Variants in KAT6A observed in about 807,000 individuals in gnomAD.
KAT6A encodes the protein histone acetyltransferase KAT6A.
KAT6A carries 9 observed loss-of-function variants against 198.4 expected under a neutral mutation model. That is an observed-to-expected ratio of 0.05 (90% CI 0.03 to 0.08). The LOEUF (loss-of-function observed/expected upper bound fraction) is 0.08, where lower values mean the gene tolerates loss of function less well. Among genes scored for constraint, KAT6A ranks in the 10% least tolerant of loss-of-function variants. The pLI is 1.00. For missense variants in KAT6A, 2,077 were observed against 2,509.9 expected (o/e 0.83, Z 3.69); for synonymous variants, 890 against 883.0 (o/e 1.01, Z -0.14).
rs142661436 is a variant in KAT6A, at chr8:41,994,504, C to T, written c.601-6941G>A. Among the ~76,000 whole-genome samples the T allele has an allele frequency of 4.2e-4, 64 of 151,896 alleles. No individual in the cohort carries two copies. In the East Asian group the frequency reaches 9.9e-3, roughly 23 times the overall value. On this transcript the variant is annotated intron_variant, in intron 2 of 16. Coordinates refer to ENST00000265713, the MANE Select transcript of KAT6A (RefSeq NM_006766.5). ...GCTTTCCTTCTATATCTAGAATGTT[C>T]GTCCCAAGATCTTTCAGATCTCTAC...
At chr8:41,976,540 C>G (rs758583742) in intron 7 of KAT6A, among the ~76,000 whole-genome samples, 2 of 152,118 alleles carry the variant, frequency 1.3e-5, no homozygotes, top group East Asian at 3.8e-4. Flanking sequence ...TTGTCAAGAT[C>G]TGAAGTAGAA....
chr8:41,977,391 T>A (rs1184711312), intron 6 of KAT6A, 64 bp from the exon 7 acceptor site: 1 of 1,089,566 alleles, frequency 9.2e-7, no homozygotes, highest in East Asian at 2.4e-5. Context: ...TCCTTTTTAA[T>A]ACATAACATA....
chr8:41,971,086 G>C (rs994306671), intron 8 of KAT6A, among the ~76,000 whole-genome samples: 1 of 152,022 alleles, frequency 6.6e-6, no homozygotes. Context: ...GGTGGGAGGA[G>C]GGGGGAGGGA....
chr8:41,944,711 T>C (rs1044303483), intron 12 of KAT6A, among the ~76,000 whole-genome samples: 3 of 152,250 alleles, frequency 2.0e-5, no homozygotes, highest in African/African-American at 2.4e-5. Context: ...CACGGACTGT[T>C]TGTATACCAT....
At chr8:42,008,720 T>C (rs1825865841) in intron 2 of KAT6A, among the ~76,000 whole-genome samples, 1 of 152,058 alleles carries the variant, frequency 6.6e-6, no homozygotes, top group Non-Finnish European at 1.5e-5. Flanking sequence ...GATGAAATGT[T>C]CTATATCTCT....
rs1821507960 is a variant in KAT6A, at chr8:41,930,851, T to C, written c.*1354A>G. The C allele has an allele frequency of 4.8e-6, 1 of 206,544 alleles. No individual in the cohort carries two copies. The highest frequency in any genetic ancestry group is 1.9e-4 in the South Asian group (1 of 5,238). The allele number at this position is 206,544 out of a possible 1,614,324, so 12.8% of individuals were successfully genotyped here. ...GGGAGCAACACATGAACTTGCGTTATAACATTCTGCTGTCCAGATCTGCCC... is the reference window on the plus strand; with the variant it reads ...GGGAGCAACACATGAACTTGCGTTACAACATTCTGCTGTCCAGATCTGCCC... On this transcript the variant is annotated 3_prime_UTR_variant, in exon 17 of 17. Coordinates refer to ENST00000265713, the MANE Select transcript of KAT6A (RefSeq NM_006766.5).
chr8:41,985,946 G>A (rs966307557), intron 3 of KAT6A, among the ~76,000 whole-genome samples: 5 of 151,588 alleles, frequency 3.3e-5, no homozygotes, highest in South Asian at 2.1e-4. Flanking sequence ...TTGTTTGTTT[G>A]TTTGTTTTAA....
Position 41,929,610 on chromosome 8 carries a change from C to T in KAT6A, c.*2595G>A, listed in dbSNP as rs139955916. Reference sequence around the variant, plus strand: ...AGGGAGGCCGGCTGGCCCAGGAGCGCGTGACATGGAGAGATACAAAGGCAT... The same window carrying T: ...AGGGAGGCCGGCTGGCCCAGGAGCGTGTGACATGGAGAGATACAAAGGCAT... On this transcript the variant is annotated 3_prime_UTR_variant, in exon 17 of 17. Coordinates refer to ENST00000265713, the MANE Select transcript of KAT6A (RefSeq NM_006766.5). 1.4e-3 allele frequency: 269 copies of T among 193,170 alleles called. 2 individuals carry two copies. The highest frequency in any genetic ancestry group is 2.4e-3 in the Non-Finnish European group (222 of 92,446). 12.0% of individuals were successfully genotyped at this position (193,170 alleles called of 1,614,324 possible).
In KAT6A at chr8:41,942,952, C is replaced by T; in HGVS notation, c.2277G>A (p.Lys759=). Residue 759 remains lysine (K), a synonymous_variant, in exon 14 of 17, where the codon AAG becomes AAA. Coordinates refer to ENST00000265713, the MANE Select transcript of KAT6A (RefSeq NM_006766.5). ...REKLIQDHMA[K]LQLNLRPVDV... is the part of the protein sequence containing the mutation. ...CTACAGGTCGCAAATTCAGCTGAAG[C>T]TTTGCCATGTGATCCTGGATAAGTT... 10 of 1,614,190 alleles carry T rather than the reference C, an allele frequency of 6.2e-6. No homozygotes were observed. The highest frequency in any genetic ancestry group is 8.5e-6 in the Non-Finnish European group (10 of 1,180,046).
At chr8:42,010,758 C>T (rs989575226) in intron 2 of KAT6A, among the ~76,000 whole-genome samples, 12 of 152,328 alleles carry the variant, frequency 7.9e-5, no homozygotes, top group African/African-American at 2.9e-4. Flanking sequence ...TCACTCCCAG[C>T]CAGCATTATA....
chr8:42,001,634 G>A (rs1363477959), intron 2 of KAT6A, among the ~76,000 whole-genome samples: 1 of 152,214 alleles, frequency 6.6e-6, no homozygotes, highest in Non-Finnish European at 1.5e-5. Flanking sequence ...GCAGAGCAGA[G>A]GGAAGAGACA....
intron 1 of KAT6A, among the ~76,000 whole-genome samples, chr8:42,050,815 A>G (rs1802577962): frequency 6.6e-6 from 1 of 152,156 alleles, no homozygotes; most frequent in Non-Finnish European, 1.5e-5. Flanking sequence ...ACAGTCACTC[A>G]TTGTCTTTCC....
At chr8:41,989,195 T>C (rs567128633) in intron 2 of KAT6A, among the ~76,000 whole-genome samples, 1 of 152,010 alleles carries the variant, frequency 6.6e-6, no homozygotes, top group Non-Finnish European at 1.5e-5. Context: ...TGAGCTTAGT[T>C]TGGGGCTTAC....
At chr8:41,994,379 C>T (rs935492972) in intron 2 of KAT6A, among the ~76,000 whole-genome samples, 7 of 152,178 alleles carry the variant, frequency 4.6e-5, no homozygotes, top group Non-Finnish European at 8.8e-5. Context: ...CAGTTACCTG[C>T]CTGACCTCAT....
chr8:41,940,999 C>G lies in KAT6A; in HGVS notation c.2882G>C (p.Arg961Thr). 6.2e-7 allele frequency: 1 copy of G among 1,614,178 alleles called. No homozygotes were observed. ...CAGCCTCTCACTTCCTTCTGTTAAT[C>G]TGCACTTCAGAGCCTCAGGGCTTTT... ...LKKSPEALKC[R>T]LTEGSERLPR... is the part of the protein sequence containing the mutation. Residue 961 changes from arginine (R) to threonine (T), a missense_variant, in exon 15 of 17, where the codon AGA (arginine) becomes ACA (threonine). By Grantham distance (71) the Arg-to-Thr change is moderately conservative (BLOSUM62 -1). Coordinates refer to ENST00000265713, the MANE Select transcript of KAT6A (RefSeq NM_006766.5).
In KAT6A at chr8:41,981,821, G is replaced by C. The variant is rs750150009; in HGVS notation, c.825+18C>G. On this transcript the variant is annotated intron_variant, in intron 4 of 16. Transcript: ENST00000265713. ...ACTACTAAATGAAACACCCATATTA[G>C]AAGGCAGAGATACTCACCGCATTTT... The C allele has an allele frequency of 6.9e-7, 1 of 1,455,634 alleles. No homozygotes were observed. The highest frequency in any genetic ancestry group is 1.4e-5 in the African/African-American group (1 of 71,864). The allele number at this position is 1,455,634 out of a possible 1,614,324, so 90.2% of individuals were successfully genotyped here.
intron 2 of KAT6A, among the ~76,000 whole-genome samples, chr8:42,047,000 A>T (rs1802344982): frequency 6.6e-6 from 1 of 152,244 alleles, no homozygotes; most frequent in Admixed American, 6.5e-5. Context: ...TTGTTAAAGA[A>T]AAATCTACAG....
Position 41,933,304 on chromosome 8 carries a change from A to G in KAT6A, c.4916T>C (p.Val1639Ala). The change falls in exon 17 of 17, where the codon GTG (valine) becomes GCG (alanine). Residue 1639 changes from valine (V) to alanine (A), a missense_variant. Physicochemically the swap from Val to Ala is moderately conservative, Grantham distance 64 (BLOSUM62 0). Around this residue, in one of 13 missense-constraint regions of KAT6A, gnomAD observed 500 missense variants for 577.2 expected, o/e 0.87. Coordinates refer to ENST00000265713, the MANE Select transcript of KAT6A (RefSeq NM_006766.5). The surrounding 1 kb of genome is among the most constrained non-coding windows in gnomAD (Gnocchi z 6.2). ...NCSIKSPQSC[V>A]VERPPSNQQQ... ...CTGGTTACTGGGAGGCCTCTCCACC[A>G]CGCAGCTCTGAGGTGACTTGATGCT... 6.3e-7 allele frequency: 1 copy of G among 1,579,144 alleles called. No homozygotes were observed. Among genetic ancestry groups the G allele is most frequent in the Non-Finnish European group, 8.6e-7 (1 of 1,167,354 alleles).
rs1827400978 is a variant in KAT6A at position 42,036,814 on chromosome 8, GAGAA to G, written c.600+11560_600+11563del. On this transcript the variant is annotated intron_variant, in intron 2 of 16. Coordinates refer to ENST00000265713, the MANE Select transcript of KAT6A (RefSeq NM_006766.5). ...CTTGAGATAAAGCAGTGAGGGTAAG[GAGAA>G]AGAAAGGTGGAAGATTAGAGTAGTT... 2.6e-5 allele frequency among the ~76,000 whole-genome samples: 4 copies of G among 152,180 alleles called. No individual in the cohort carries two copies. In the South Asian group the frequency reaches 8.3e-4, roughly 32 times the overall value.
Sources: allele counts gnomAD v4.1 joint callset (sites outside exome capture counted in the v4.1 genomes callset), GRCh38; gene constraint gnomAD v4.1.1; regional missense constraint gnomAD v4.1.1; non-coding constraint Gnocchi (gnomAD v3.1); transcripts MANE v1.5; gene names NCBI Gene and HGNC (gene_info 2026-07-23, HGNC 2026-07-21).